Variants in UPF2 observed in about 807,000 individuals in gnomAD.
UPF2 encodes regulator of nonsense transcripts 2.
UPF2 carries 17 observed loss-of-function variants against 141.4 expected under a neutral mutation model. That is an observed-to-expected ratio of 0.12 (90% CI 0.08 to 0.18). The LOEUF is 0.18. Among genes scored for constraint, UPF2 ranks in the 10% least tolerant of loss-of-function variants. The probability of loss-of-function intolerance (pLI) is 1.00; values close to 1 mark genes in which losing one functional copy is unlikely to be tolerated. For synonymous variants in UPF2, 540 were observed against 498.0 expected (o/e 1.08, Z -1.12); for missense variants, 1,152 against 1,515.9 (o/e 0.76, Z 3.99).
intron 14 of UPF2, 49 bp from the exon 15 acceptor site, chr10:11,952,298 A>G (rs1833085752): frequency 1.4e-6 from 2 of 1,450,112 alleles, no homozygotes; most frequent in African/African-American, 1.4e-5. Flanking sequence ...TAGTAACAAA[A>G]TATTTTAAAA....
intron 4 of UPF2, among the ~76,000 whole-genome samples, chr10:12,011,353 C>T (rs1834124154): frequency 6.6e-6 from 1 of 152,150 alleles, no homozygotes; most frequent in Non-Finnish European, 1.5e-5. Flanking sequence ...AATCCCAGCA[C>T]TTGGGGAGGG....
chr10:12,025,579 A>C (rs1035538612), intron 3 of UPF2, among the ~76,000 whole-genome samples: 3 of 151,986 alleles, frequency 2.0e-5, no homozygotes, highest in African/African-American at 7.3e-5. Flanking sequence ...TAAATAAATA[A>C]ATAGGCTGTG....
intron 3 of UPF2, among the ~76,000 whole-genome samples, chr10:12,023,071 T>C (rs1834346407): frequency 6.6e-6 from 1 of 152,184 alleles, no homozygotes; most frequent in Non-Finnish European, 1.5e-5. Flanking sequence ...AATTCTAGCC[T>C]ACTACCTGAA....
intron 3 of UPF2, 29 bp downstream of exon 3, chr10:12,028,716 C>T (rs781346318): frequency 5.8e-6 from 9 of 1,542,534 alleles, no homozygotes; most frequent in Non-Finnish European, 7.8e-6. Context: ...AAAATAAATT[C>T]TCAACTCTGA....
At chr10:12,009,143 T>C (rs1834087152) in intron 4 of UPF2, among the ~76,000 whole-genome samples, 1 of 152,192 alleles carries the variant, frequency 6.6e-6, no homozygotes, top group Non-Finnish European at 1.5e-5. Context: ...TATGGCATCA[T>C]ATATTGAAAC....
intron 10 of UPF2, among the ~76,000 whole-genome samples, chr10:11,965,750 C>T (rs926180614): frequency 6.6e-6 from 1 of 152,068 alleles, no homozygotes; most frequent in African/African-American, 2.4e-5. Context: ...TGAGCCACCA[C>T]GTCCGGCCTC....
chr10:12,002,001 T>C (rs1440223138), intron 5 of UPF2, among the ~76,000 whole-genome samples, 176 bp from the exon 6 acceptor site: 2 of 152,228 alleles, frequency 1.3e-5, no homozygotes, highest in Non-Finnish European at 2.9e-5. Flanking sequence ...CTGGGCATGA[T>C]GGCTCACCCC....
intron 4 of UPF2, among the ~76,000 whole-genome samples, chr10:12,005,826 C>T (rs886214328): frequency 6.6e-6 from 1 of 151,928 alleles, no homozygotes; most frequent in Non-Finnish European, 1.5e-5. Flanking sequence ...CTGCCTCAGC[C>T]TCCCAAAGTG....
rs943229666 is a variant in UPF2, at chr10:11,920,881, C to T, written c.*417G>A. On this transcript the variant is annotated 3_prime_UTR_variant, in exon 22 of 22. Coordinates refer to ENST00000357604, the MANE Select transcript of UPF2 (RefSeq NM_015542.4). Reference sequence around the variant, plus strand: ...TTCTTCCAACGTGGGATGTTCAATTCAGAGACACTGAAACTCAAATCAAGT... The same window carrying T: ...TTCTTCCAACGTGGGATGTTCAATTTAGAGACACTGAAACTCAAATCAAGT... 6.9e-5 allele frequency: 28 copies of T among 403,736 alleles called. No individual in the cohort carries two copies. Among genetic ancestry groups the T allele is most frequent in the Admixed American group, 5.4e-5 (2 of 37,194 alleles). The allele number at this position is 403,736 out of a possible 1,614,324, so 25.0% of individuals were successfully genotyped here. A position where few individuals can be genotyped will look rare whatever the true frequency, so the allele number is the denominator to read the frequency against.
At chr10:11,978,665 C>T (rs560092269) in intron 9 of UPF2, among the ~76,000 whole-genome samples, 4 of 152,316 alleles carry the variant, frequency 2.6e-5, no homozygotes, top group South Asian at 4.1e-4. Flanking sequence ...AGACGCCACA[C>T]ATTTGGACCC....
chr10:12,026,853 A>C (rs1383702898), intron 3 of UPF2, among the ~76,000 whole-genome samples: 1 of 152,126 alleles, frequency 6.6e-6, no homozygotes, highest in East Asian at 1.9e-4. Flanking sequence ...GGGTTTCACC[A>C]TGTTGGCCAG....
Position 11,940,039 on chromosome 10 carries a change from T to C in UPF2, c.3378+2626A>G, listed in dbSNP as rs1451473515. Among the ~76,000 whole-genome samples the C allele has an allele frequency of 1.3e-5, 2 of 152,204 alleles. No individual in the cohort carries two copies. Among genetic ancestry groups the C allele is most frequent in the African/African-American group, 4.8e-5 (2 of 41,450 alleles). On this transcript the variant is annotated intron_variant, in intron 18 of 21. Transcript: ENST00000357604. The surrounding 1 kb of genome is among the most constrained non-coding windows in gnomAD (Gnocchi z 4.2). ...TTGATTTATGGAAAAATAATATCTC[T>C]AGGATACTGCATCCTCCTATGACAT...
intron 16 of UPF2, among the ~76,000 whole-genome samples, chr10:11,946,683 C>A (rs1376085865): frequency 6.6e-6 from 1 of 152,120 alleles, no homozygotes; most frequent in African/African-American, 2.4e-5. Flanking sequence ...TACCCCTAAC[C>A]CATTCCCCAA....
At chr10:12,022,932 C>T (rs1053544657) in intron 3 of UPF2, among the ~76,000 whole-genome samples, 1 of 152,052 alleles carries the variant, frequency 6.6e-6, no homozygotes, top group Admixed American at 6.6e-5. Flanking sequence ...TTTGTCAACT[C>T]ACTGCTGTTA....
chr10:12,012,166 C>T (rs11257480), intron 4 of UPF2, among the ~76,000 whole-genome samples: 1 of 150,672 alleles, frequency 6.6e-6, no homozygotes, highest in Non-Finnish European at 1.5e-5. Context: ...AGGTTCAAGC[C>T]ATTCTCCTGC....
chr10:11,960,774 A>AT (rs1416789753), intron 11 of UPF2, among the ~76,000 whole-genome samples: 6 of 151,210 alleles, frequency 4.0e-5, no homozygotes, highest in Admixed American at 2.6e-4. Flanking sequence ...TTATCTCTTA[A>AT]TAAAAAAAAA....
chr10:12,008,645 A>G (rs1442139046), intron 4 of UPF2, among the ~76,000 whole-genome samples: 2 of 151,832 alleles, frequency 1.3e-5, no homozygotes, highest in South Asian at 2.1e-4. Context: ...AAAAAAAAAA[A>G]AAAAAAGAAA....
At chr10:11,943,311 A>G (rs917825561) in intron 16 of UPF2, 143 bp from the exon 17 acceptor site, 1 of 693,010 alleles carries the variant, frequency 1.4e-6, no homozygotes, top group Non-Finnish European at 2.4e-6. Context: ...TTCCAATGGG[A>G]GGGCAAAGTC....
rs146096327 is a variant in UPF2 at position 11,938,802 on chromosome 10, A to G, written c.3379-2090T>C. On this transcript the variant is annotated intron_variant, in intron 18 of 21. Coordinates refer to ENST00000357604, the MANE Select transcript of UPF2 (RefSeq NM_015542.4). ...AAGGCAACACAGTAAAACAGTTGAG[A>G]ACAAACTCCACCACGTCCTAGCCAT... Among the ~76,000 whole-genome samples, 941 of 149,752 alleles carry G rather than the reference A, an allele frequency of 6.3e-3. 11 individuals carry two copies. The highest frequency in any genetic ancestry group is 0.022 in the African/African-American group (883 of 40,610).
Sources: allele counts gnomAD v4.1 joint callset (sites outside exome capture counted in the v4.1 genomes callset), GRCh38; gene constraint gnomAD v4.1.1; non-coding constraint Gnocchi (gnomAD v3.1); transcripts MANE v1.5; gene names NCBI Gene and HGNC (gene_info 2026-07-23, HGNC 2026-07-21).